Variants in IL1R1 observed in about 807,000 individuals in gnomAD.
IL1R1 encodes the protein interleukin 1 receptor type 1, also known as interleukin-1 receptor type 1.
IL1R1 carries 22 observed loss-of-function variants against 50.2 expected under a neutral mutation model. That is an observed-to-expected ratio of 0.44 (90% CI 0.31 to 0.63). IL1R1 has a LOEUF of 0.63. IL1R1 is among the 20% of genes least tolerant of loss of function. The probability of loss-of-function intolerance (pLI) is 0.07; values close to 1 mark genes in which losing one functional copy is unlikely to be tolerated. For missense variants in IL1R1, 509 were observed against 676.2 expected, an observed-to-expected ratio of 0.75 and a Z score of 2.74; for synonymous variants, 251 against 236.7, an observed-to-expected ratio of 1.06 and a Z score of -0.55.
intron 1 of IL1R1, among the ~76,000 whole-genome samples, chr2:102,092,720 A>G (rs1679728168): frequency 6.6e-6 from 1 of 152,156 alleles, no homozygotes; most frequent in African/African-American, 2.4e-5. Context: ...CTCTTGCTGA[A>G]AAGGTCTGGA....
chr2:102,175,551 T>C lies in IL1R1; in HGVS notation c.1209T>C (p.Cys403=). ...TTGGGGAAGGGTCTACCTCTGACTG[T>C]GATATTTTTGTGTTTAAAGTCTTGC... ...KTVGEGSTSD[C]DIFVFKVLPE... The change falls in exon 11 of 12, where the codon TGT becomes TGC. Residue 403 remains cysteine, a synonymous_variant. Coordinates refer to ENST00000410023, the MANE Select transcript of IL1R1 (RefSeq NM_000877.4). 1.9e-6 allele frequency: 3 copies of C among 1,613,258 alleles called. No homozygotes were observed. The highest frequency in any genetic ancestry group is 2.5e-6 in the Non-Finnish European group (3 of 1,179,234).
upstream of IL1R1, among the ~76,000 whole-genome samples, chr2:102,102,215 T>G (rs1246455247): frequency 6.6e-6 from 1 of 152,136 alleles, no homozygotes; most frequent in African/African-American, 2.4e-5. Flanking sequence ...TACCAGGAAG[T>G]ATGAGACAAT....
rs1487995797 is a variant in IL1R1 at position 102,177,167 on chromosome 2, G to GAATTC, written c.*409_*410insATTCA. On this transcript the variant is annotated 3_prime_UTR_variant, in exon 12 of 12. Transcript: ENST00000410023. ...TGTAATCCCAGCTACACCTGAGGCT[G>GAATTC]AGGCAGGAGAATTGCTTGAACCGGG... 4.6e-5 allele frequency: 9 copies of GAATTC among 194,934 alleles called. No individual in the cohort carries two copies. The highest frequency in any genetic ancestry group is 1.1e-5 in the Non-Finnish European group (1 of 91,652). The allele number at this position is 194,934 out of a possible 1,614,324, so 12.1% of individuals were successfully genotyped here. A position where few individuals can be genotyped will look rare whatever the true frequency, so the allele number is the denominator to read the frequency against.
chr2:102,173,753 T>C (rs1454372300), intron 9 of IL1R1, among the ~76,000 whole-genome samples: 1 of 152,176 alleles, frequency 6.6e-6, no homozygotes, highest in Non-Finnish European at 1.5e-5. Flanking sequence ...TGTATGGGTG[T>C]GTTTTTGTGG....
At chr2:102,076,259 G>A (rs947900867) in intron 1 of IL1R1, among the ~76,000 whole-genome samples, 3 of 149,274 alleles carry the variant, frequency 2.0e-5, no homozygotes, top group African/African-American at 5.0e-5. Flanking sequence ...CTCACTGCAA[G>A]CTCCGCCTCC....
intron 1 of IL1R1, among the ~76,000 whole-genome samples, chr2:102,111,919 A>C: frequency 6.6e-6 from 1 of 152,130 alleles, no homozygotes; most frequent in East Asian, 1.9e-4. Context: ...TGAGTGGGCA[A>C]AGGGCAGAAC....
intron 1 of IL1R1, among the ~76,000 whole-genome samples, chr2:102,145,250 C>T (rs543554277): frequency 1.3e-5 from 2 of 152,168 alleles, no homozygotes; most frequent in Non-Finnish European, 2.9e-5. Context: ...GCTTGGTTTG[C>T]ATTTTCTTCT....
chr2:102,163,259 A>T (rs3917273), intron 3 of IL1R1, among the ~76,000 whole-genome samples: 82,176 of 152,006 alleles, frequency 0.54, 24,143 homozygotes, highest in African/African-American at 0.78. Flanking sequence ...TCATTGTGAT[A>T]TGGGGGCCTA....
intron 1 of IL1R1, among the ~76,000 whole-genome samples, chr2:102,119,320 T>C (rs967686614): frequency 2.0e-5 from 3 of 152,240 alleles, no homozygotes; most frequent in Admixed American, 6.5e-5. Context: ...CTTATGAAGT[T>C]GGAATATTTG....
chr2:102,071,392 T>A (rs570342386), intron 1 of IL1R1, among the ~76,000 whole-genome samples: 1 of 152,360 alleles, frequency 6.6e-6, no homozygotes, highest in Admixed American at 6.5e-5. Context: ...TGGCACTGTA[T>A]ATAGGGCATA....
chr2:102,124,232 G>A (rs1487785982), intron 1 of IL1R1, among the ~76,000 whole-genome samples: 2 of 152,122 alleles, frequency 1.3e-5, no homozygotes, highest in Non-Finnish European at 2.9e-5. Context: ...GACCAGCCTG[G>A]GCAACATGGT....
chr2:102,082,470 A>T (rs1044740289), intron 1 of IL1R1, among the ~76,000 whole-genome samples: 1 of 152,224 alleles, frequency 6.6e-6, no homozygotes, highest in Non-Finnish European at 1.5e-5. Flanking sequence ...GTTTTCAAAC[A>T]TCATTAATTT....
intron 3 of IL1R1, 83 bp from the exon 4 acceptor site, chr2:102,164,691 C>A: frequency 1.2e-6 from 1 of 811,348 alleles, no homozygotes. Context: ...ATTTAATAAT[C>A]AATGTGTTTC....
At chr2:102,176,223 T>G in intron 11 of IL1R1, 130 bp from the exon 12 acceptor site, 1 of 709,584 alleles carries the variant, frequency 1.4e-6, no homozygotes, top group South Asian at 2.0e-5. Flanking sequence ...GAAACTCCTT[T>G]AATTTTAAGT....
chr2:102,152,248 G>A (rs772326534), intron 1 of IL1R1, among the ~76,000 whole-genome samples: 196 of 151,922 alleles, frequency 1.3e-3, no homozygotes, highest in Non-Finnish European at 2.3e-3. Flanking sequence ...GCTCATGCCT[G>A]TAATCCCAGC....
intron 1 of IL1R1, among the ~76,000 whole-genome samples, chr2:102,085,577 A>G (rs1047053654): frequency 6.6e-6 from 1 of 151,884 alleles, no homozygotes; most frequent in African/African-American, 2.4e-5. Flanking sequence ...TGCATTGGCC[A>G]GTTTGTATAA....
At chr2:102,155,882 T>G (rs975815244) in intron 2 of IL1R1, among the ~76,000 whole-genome samples, 1 of 152,226 alleles carries the variant, frequency 6.6e-6, no homozygotes, top group African/African-American at 2.4e-5. Flanking sequence ...GACCTGTGAT[T>G]AAACATTGTC....
intron 3 of IL1R1, among the ~76,000 whole-genome samples, chr2:102,164,166 T>G (rs1160246036): frequency 6.6e-6 from 1 of 152,068 alleles, no homozygotes; most frequent in Non-Finnish European, 1.5e-5. Context: ...TGGGGGAGAC[T>G]CTCAGTTATC....
At chr2:102,104,665 G>A (rs1424916837) in exon 1 of IL1R1, 2 of 152,278 alleles carry the variant, frequency 1.3e-5, no homozygotes, top group African/African-American at 4.8e-5. Flanking sequence ...CGTCCGGCAA[G>A]ATGTGAGTTG....
Sources: allele counts gnomAD v4.1 joint callset (sites outside exome capture counted in the v4.1 genomes callset), GRCh38; gene constraint gnomAD v4.1.1; transcripts MANE v1.5; gene names NCBI Gene and HGNC (gene_info 2026-07-23, HGNC 2026-07-21).